Variants in RAP1A observed in about 807,000 individuals in gnomAD.
The protein encoded by RAP1A is RAP1A, member of RAS oncogene family.
Under a neutral mutation model 26.4 loss-of-function variants are expected in RAP1A, and 6 were observed. The ratio of observed to expected loss-of-function variants is 0.23; its 90% CI spans 0.12 to 0.45. RAP1A has a LOEUF of 0.45. Among genes scored for constraint, RAP1A ranks in the 20% least tolerant of loss-of-function variants. The pLI is 0.99. For missense variants in RAP1A, 121 were observed against 217.2 expected (o/e 0.56, Z 2.78); for synonymous variants, 73 against 79.4 (o/e 0.92, Z 0.43).
At chr1:111,609,838 T>C (rs769789423) in intron 1 of RAP1A, among the ~76,000 whole-genome samples, 8 of 152,140 alleles carry the variant, frequency 5.3e-5, no homozygotes, top group South Asian at 2.1e-4. Flanking sequence ...TTTCACCTTG[T>C]TGGCCAGGCT....
intron 1 of RAP1A, among the ~76,000 whole-genome samples, chr1:111,544,025 A>T (rs1182173420): frequency 6.6e-6 from 1 of 152,208 alleles, no homozygotes; most frequent in South Asian, 2.1e-4. Flanking sequence ...ATTGGAAGTC[A>T]TAGTTTCCAA....
At chr1:111,582,453 A>G (rs1430660174) in intron 1 of RAP1A, among the ~76,000 whole-genome samples, 1 of 152,198 alleles carries the variant, frequency 6.6e-6, no homozygotes, top group East Asian at 1.9e-4. Flanking sequence ...TATTCCAAGC[A>G]CAGAGGTGTC....
chr1:111,662,394 C>CAAA (rs60481679), intron 1 of RAP1A, among the ~76,000 whole-genome samples: 2 of 103,424 alleles, frequency 1.9e-5, no homozygotes, highest in Non-Finnish European at 3.8e-5. Context: ...GACTCCATCT[C>CAAA]AAAAAAAAAA....
At chr1:111,558,071 C>A (rs1657575358) in intron 1 of RAP1A, among the ~76,000 whole-genome samples, 1 of 151,914 alleles carries the variant, frequency 6.6e-6, no homozygotes, top group African/African-American at 2.4e-5. Flanking sequence ...ACAGAAAAAG[C>A]AGAAGAAATA....
At chr1:111,625,695 C>G (rs1178091626) in intron 1 of RAP1A, among the ~76,000 whole-genome samples, 1 of 152,154 alleles carries the variant, frequency 6.6e-6, no homozygotes, top group South Asian at 2.1e-4. Flanking sequence ...CTATTGATAC[C>G]TTTGGAACTA....
At chr1:111,685,885 T>C (rs1040700560) in intron 1 of RAP1A, among the ~76,000 whole-genome samples, 3 of 152,052 alleles carry the variant, frequency 2.0e-5, no homozygotes, top group Non-Finnish European at 4.4e-5. Flanking sequence ...CAAATGCCCA[T>C]CAATGATAGA....
chr1:111,562,888 C>G (rs1657795365), intron 1 of RAP1A, among the ~76,000 whole-genome samples: 2 of 152,170 alleles, frequency 1.3e-5, no homozygotes, highest in Non-Finnish European at 2.9e-5. Flanking sequence ...AGATGCTTAG[C>G]CTTGTGCTGG....
At chr1:111,599,496 C>T (rs1240864982) in intron 1 of RAP1A, among the ~76,000 whole-genome samples, 5 of 152,334 alleles carry the variant, frequency 3.3e-5, no homozygotes, top group East Asian at 3.9e-4. Flanking sequence ...TGAGCCACCA[C>T]GCCTGGCCAC....
exon 1 of RAP1A, chr1:111,542,342 C>A: frequency 2.4e-6 from 1 of 410,660 alleles, no homozygotes; most frequent in Non-Finnish European, 5.0e-6. Context: ...TGTGTGGCTC[C>A]TTCCACGTGG....
intron 1 of RAP1A, among the ~76,000 whole-genome samples, chr1:111,583,020 G>A: frequency 6.6e-6 from 1 of 152,134 alleles, no homozygotes; most frequent in Non-Finnish European, 1.5e-5. Flanking sequence ...TTCATGGAAA[G>A]TATAATTTAA....
rs545999548 is a variant in RAP1A at position 111,576,034 on chromosome 1, C to T, written c.-28+33525C>T. Among the ~76,000 whole-genome samples, 5 of 152,316 alleles carry T rather than the reference C, an allele frequency of 3.3e-5. No homozygotes were observed. In the East Asian group the frequency reaches 9.6e-4, roughly 29 times the overall value. On this transcript the variant is annotated intron_variant, in intron 1 of 7. Transcript: ENST00000356415. ...TGGGGGACAGAGAAAACTGAACCTGCCCTGCATACTATTCTCTGCACTGGG... is the reference window on the plus strand; with the variant it reads ...TGGGGGACAGAGAAAACTGAACCTGTCCTGCATACTATTCTCTGCACTGGG...
Position 111,614,366 on chromosome 1 carries a change from T to C in RAP1A, c.-28+71857T>C, listed in dbSNP as rs575853853. Among the ~76,000 whole-genome samples the C allele has an allele frequency of 3.2e-4, 49 of 152,318 alleles. No homozygotes were observed. The South Asian group carries it at 7.9e-3, about 24-fold the overall frequency. On this transcript the variant is annotated intron_variant, in intron 1 of 7. Transcript: ENST00000356415. ...GCCTTTGTATCCTTAGCAGGAAGCA[T>C]AAGGGCTTGCTAAGTGGCAAGCTTA... is the stretch of plus-strand genomic sequence containing the variant.
chr1:111,646,244 C>T (rs973787185), intron 1 of RAP1A, among the ~76,000 whole-genome samples: 4 of 151,560 alleles, frequency 2.6e-5, no homozygotes, highest in Admixed American at 6.6e-5. Flanking sequence ...TTTTTCTCTC[C>T]CACAACGTAA....
At chr1:111,699,400 C>G (rs377518333) in intron 4 of RAP1A, among the ~76,000 whole-genome samples, 1 of 151,586 alleles carries the variant, frequency 6.6e-6, no homozygotes. Flanking sequence ...CCTCTCTAAT[C>G]TAATTTCCAA....
At chr1:111,655,912 G>A (rs1571534349) in intron 1 of RAP1A, among the ~76,000 whole-genome samples, 1 of 151,580 alleles carries the variant, frequency 6.6e-6, no homozygotes, top group Non-Finnish European at 1.5e-5. Context: ...GGATGGTCTC[G>A]ATCTCCTGAC....
At chr1:111,594,940 T>C (rs957791485) in intron 1 of RAP1A, among the ~76,000 whole-genome samples, 20 of 152,246 alleles carry the variant, frequency 1.3e-4, no homozygotes, top group African/African-American at 4.6e-4. Context: ...TCAGTGTGTT[T>C]CCTTCCAGTT....
chr1:111,603,251 G>T (rs982033651), intron 1 of RAP1A, among the ~76,000 whole-genome samples: 2 of 152,204 alleles, frequency 1.3e-5, no homozygotes, highest in Non-Finnish European at 2.9e-5. Context: ...TTCAAGGTTT[G>T]GTTCCTGGAA....
chr1:111,643,450 A>G (rs1453018120), intron 1 of RAP1A, among the ~76,000 whole-genome samples: 1 of 152,192 alleles, frequency 6.6e-6, no homozygotes, highest in Non-Finnish European at 1.5e-5. Flanking sequence ...TTTTGGCATC[A>G]AGTTTAGAAC....
At chr1:111,630,152 G>A (rs531902333) in intron 1 of RAP1A, among the ~76,000 whole-genome samples, 3 of 152,248 alleles carry the variant, frequency 2.0e-5, no homozygotes, top group East Asian at 3.9e-4. Context: ...GGTGAAATAC[G>A]AAATGTCTGA....
Sources: gnomAD v4.1 joint callset for allele counts (sites outside exome capture counted in the v4.1 genomes callset) on GRCh38, gnomAD v4.1.1 for gene constraint, MANE v1.5 for transcripts, NCBI Gene and HGNC (gene_info 2026-07-23, HGNC 2026-07-21) for gene names.